The following PHACTR1 variants were observed in gnomAD, a reference collection of about 807,000 sequenced individuals.
The protein encoded by PHACTR1 is RPEL repeat containing 1.
PHACTR1 carries 16 observed loss-of-function variants against 69.2 expected under a neutral mutation model. That is an observed-to-expected ratio of 0.23 (90% CI 0.16 to 0.35). The LOEUF (loss-of-function observed/expected upper bound fraction) is 0.35. PHACTR1 is among the 10% of genes least tolerant of loss of function. PHACTR1 has a pLI of 1.00. For missense variants in PHACTR1, 510 were observed against 734.7 expected (o/e 0.69, Z 3.54); for synonymous variants, 312 against 284.5 (o/e 1.10, Z -0.97).
At chr6:12,832,244 G>A (rs755569681) in intron 4 of PHACTR1, among the ~76,000 whole-genome samples, 1 of 152,052 alleles carries the variant, frequency 6.6e-6, no homozygotes, top group Non-Finnish European at 1.5e-5. Context: ...AAATTCCAGG[G>A]TACAGCACTT....
intron 5 of PHACTR1, among the ~76,000 whole-genome samples, chr6:13,094,980 G>C (rs1261832872): frequency 1.3e-5 from 2 of 152,136 alleles, no homozygotes; most frequent in South Asian, 4.1e-4. Context: ...GATGTGGAAG[G>C]ATTAGATAAG....
intron 4 of PHACTR1, among the ~76,000 whole-genome samples, chr6:12,876,719 G>T (rs1782557948): frequency 6.6e-6 from 1 of 152,160 alleles, no homozygotes; most frequent in East Asian, 1.9e-4. Context: ...AAGTTCTCCA[G>T]AGAAACAGAA....
chr6:13,201,295 C>T (rs985080647), intron 7 of PHACTR1, among the ~76,000 whole-genome samples: 2 of 152,120 alleles, frequency 1.3e-5, no homozygotes, highest in Non-Finnish European at 2.9e-5. Context: ...CTTCATTTGC[C>T]GCTTGAGGGG....
At chr6:13,170,680 T>C (rs908358829) in intron 6 of PHACTR1, among the ~76,000 whole-genome samples, 32 of 152,362 alleles carry the variant, frequency 2.1e-4, no homozygotes, top group African/African-American at 7.7e-4. Context: ...AGAACAGTAC[T>C]CTTGCAGGAG....
At chr6:12,783,523 T>C (rs191777728) in intron 4 of PHACTR1, among the ~76,000 whole-genome samples, 4 of 152,334 alleles carry the variant, frequency 2.6e-5, no homozygotes, top group African/African-American at 9.6e-5. Context: ...GGAACATGAA[T>C]GGGCTTCACC....
intron 4 of PHACTR1, among the ~76,000 whole-genome samples, chr6:12,794,660 A>T (rs2127667273): frequency 6.6e-6 from 1 of 152,328 alleles, no homozygotes; most frequent in East Asian, 1.9e-4. Context: ...TCTTTTCCCC[A>T]TACTAAGTCC....
At chr6:12,742,699 A>G (rs955465225) in intron 3 of PHACTR1, among the ~76,000 whole-genome samples, 48 of 152,120 alleles carry the variant, frequency 3.2e-4, no homozygotes, top group Non-Finnish European at 8.8e-5. Context: ...AGGGTTATAG[A>G]AAGACAAAGA....
intron 4 of PHACTR1, among the ~76,000 whole-genome samples, chr6:13,031,352 G>A (rs925805444): frequency 6.6e-6 from 1 of 152,114 alleles, no homozygotes; most frequent in African/African-American, 2.4e-5. Flanking sequence ...TATGTTTATT[G>A]TGCCACCATT....
intron 3 of PHACTR1, among the ~76,000 whole-genome samples, chr6:12,728,351 C>T (rs539170438): frequency 1.3e-5 from 2 of 152,058 alleles, no homozygotes; most frequent in Non-Finnish European, 2.9e-5. Context: ...CAACCCTACA[C>T]AACTATTTAA....
At position 12,845,290 on chromosome 6, in the gene PHACTR1, C is replaced by G. The variant is rs1464025638; in HGVS notation, c.250+95500C>G. 2.6e-5 allele frequency among the ~76,000 whole-genome samples: 4 copies of G among 152,020 alleles called. No homozygotes were observed. The East Asian group carries it at 7.7e-4, about 29-fold the overall frequency. On this transcript the variant is annotated intron_variant, in intron 4 of 14. Coordinates refer to ENST00000332995, the MANE Select transcript of PHACTR1 (RefSeq NM_030948.6). ...GATCTCTTGATGCATAAGTGTTACC[C>G]ATCACATAGGCCAGCAGATCTTTTG...
chr6:12,945,964 A>AAAATAAATAAATAAAT (rs146460461), intron 4 of PHACTR1, among the ~76,000 whole-genome samples: 98 of 142,446 alleles, frequency 6.9e-4, no homozygotes, highest in East Asian at 2.1e-3. Context: ...CTCTGTCTCA[A>AAAATAAATAAATAAAT]AAATAAATAA....
At chr6:13,084,533 G>T (rs944335634) in intron 5 of PHACTR1, among the ~76,000 whole-genome samples, 9 of 151,188 alleles carry the variant, frequency 6.0e-5, no homozygotes, top group African/African-American at 2.2e-4. Flanking sequence ...TTAAAAAAAA[G>T]AATTAATACA....
intron 10 of PHACTR1, among the ~76,000 whole-genome samples, chr6:13,262,159 T>G (rs1347550628): frequency 6.6e-6 from 1 of 151,650 alleles, no homozygotes; most frequent in Non-Finnish European, 1.5e-5. Context: ...TTCCCCAAGG[T>G]GGTGGTAGAT....
intron 4 of PHACTR1, among the ~76,000 whole-genome samples, chr6:12,965,451 C>CTTTTTTTTTT (rs55640152): frequency 7.6e-6 from 1 of 131,966 alleles, no homozygotes; most frequent in Non-Finnish European, 1.6e-5. Context: ...TATTTTGTGC[C>CTTTTTTTTTT]TTTTTTTTTT....
chr6:13,224,575 T>A (rs79614464), intron 8 of PHACTR1, among the ~76,000 whole-genome samples: 5 of 152,172 alleles, frequency 3.3e-5, no homozygotes, highest in African/African-American at 9.7e-5. Flanking sequence ...TTAGAGCAGA[T>A]GTAGGTAATA....
intron 4 of PHACTR1, among the ~76,000 whole-genome samples, chr6:12,762,198 CGTATTTATTTAT>C (rs1768097603): frequency 6.6e-6 from 1 of 152,186 alleles, no homozygotes; most frequent in East Asian, 1.9e-4. Context: ...TGGGTTTTTA[CGTATTTATTTAT>C]GTATTTATTT....
intron 10 of PHACTR1, among the ~76,000 whole-genome samples, chr6:13,263,707 T>G (rs1021144432): frequency 2.6e-5 from 4 of 152,214 alleles, no homozygotes; most frequent in Admixed American, 6.5e-5. Flanking sequence ...GGAATTTTGT[T>G]TAATTTAATG....
intron 5 of PHACTR1, among the ~76,000 whole-genome samples, chr6:13,072,177 A>AT (rs1455827971): frequency 1.3e-5 from 2 of 152,202 alleles, no homozygotes; most frequent in African/African-American, 4.8e-5. Flanking sequence ...ATAACGTGCC[A>AT]TTCCCCAGTG....
At chr6:12,852,961 A>G (rs973588383) in intron 4 of PHACTR1, among the ~76,000 whole-genome samples, 4 of 152,098 alleles carry the variant, frequency 2.6e-5, no homozygotes, top group African/African-American at 9.7e-5. Flanking sequence ...AGCACTGGGT[A>G]TAATGCATCC....
Sources: allele counts gnomAD v4.1 joint callset (sites outside exome capture counted in the v4.1 genomes callset), GRCh38; gene constraint gnomAD v4.1.1; transcripts MANE v1.5; gene names NCBI Gene and HGNC (gene_info 2026-07-23, HGNC 2026-07-21).